The following TFEC variants were observed in gnomAD, a reference collection of about 807,000 sequenced individuals.
The protein encoded by TFEC is class E basic helix-loop-helix protein 34.
A neutral mutation model predicts 41.6 loss-of-function variants in TFEC; 31 were observed. The ratio of observed to expected loss-of-function variants is 0.74; its 90% CI spans 0.56 to 1.01. The LOEUF is 1.01. Ranked by LOEUF, TFEC falls within the 50% of genes least tolerant of loss-of-function variation. The probability of loss-of-function intolerance (pLI) is 0.00; values close to 1 mark genes in which losing one functional copy is unlikely to be tolerated. For missense variants in TFEC, 402 were observed against 404.1 expected (o/e 0.99, Z 0.04); for synonymous variants, 143 against 140.6 (o/e 1.02, Z -0.12).
At chr7:115,975,481 A>G (rs1028862408) in intron 2 of TFEC, among the ~76,000 whole-genome samples, 4 of 152,156 alleles carry the variant, frequency 2.6e-5, no homozygotes, top group African/African-American at 9.7e-5. Context: ...GAGTGTTCGG[A>G]GAATTCTACT....
In TFEC at chr7:116,048,475, A is replaced by C. The variant is rs191722228; in HGVS notation, c.198+62233T>G. On this transcript the variant is annotated intron_variant, in intron 3 of 8. Transcript: ENST00000484212. ...GAACAAAGCCTTGAAGAAATATGGG[A>C]TCACATGAAAAGACCAAATCTACAT... Among the ~76,000 whole-genome samples the C allele has an allele frequency of 7.4e-3, 1,126 of 152,356 alleles. 11 individuals carry two copies. The highest frequency in any genetic ancestry group is 0.014 in the South Asian group (70 of 4,828).
chr7:116,108,896 G>C (rs558482731), intron 3 of TFEC, among the ~76,000 whole-genome samples: 4 of 152,198 alleles, frequency 2.6e-5, no homozygotes, highest in Admixed American at 6.5e-5. Flanking sequence ...CACTATCAGA[G>C]AGCCAACAAT....
chr7:116,019,733 AT>A (rs1283160443), intron 1 of TFEC, among the ~76,000 whole-genome samples: 1 of 152,164 alleles, frequency 6.6e-6, no homozygotes, highest in African/African-American at 2.4e-5. Context: ...CCCATACAGT[AT>A]TTTGCTATTT....
At position 115,990,656 on chromosome 7, in the gene TFEC, A is replaced by C. The variant is rs544424258; in HGVS notation, c.-72-6143T>G. ...CAGTGATTGAAGATCAAAGGAATGA[A>C]ATGAAATGAGAAGAGAAGTTTAGAA... On this transcript the variant is annotated intron_variant, in intron 1 of 7. Transcript: ENST00000265440. Among the ~76,000 whole-genome samples, 5 of 152,318 alleles carry C rather than the reference A, an allele frequency of 3.3e-5. No homozygotes were observed. The South Asian group carries it at 1.0e-3, about 32-fold the overall frequency.
chr7:116,097,879 A>G lies in TFEC; in HGVS notation c.198+12829T>C, dbSNP rs541640782. Among the ~76,000 whole-genome samples, 17 of 152,302 alleles carry G rather than the reference A, an allele frequency of 1.1e-4. No individual in the cohort carries two copies. In the South Asian group the frequency reaches 3.1e-3, roughly 28 times the overall value. ...AATAGTGTAAATAAATCAAAATGAAACTCTGAAAAATGTTTAAATTATCTA... is the reference window on the plus strand; with the variant it reads ...AATAGTGTAAATAAATCAAAATGAAGCTCTGAAAAATGTTTAAATTATCTA... On this transcript the variant is annotated intron_variant, in intron 3 of 8. Transcript: ENST00000484212.
chr7:115,947,416 G>A (rs1170242667), intron 6 of TFEC, among the ~76,000 whole-genome samples: 1 of 151,030 alleles, frequency 6.6e-6, no homozygotes, highest in Non-Finnish European at 1.5e-5. Flanking sequence ...ATGATTTATA[G>A]TCCTTTGGGT....
At chr7:116,123,339 G>T (rs1005601403) in intron 1 of TFEC, among the ~76,000 whole-genome samples, 2 of 152,002 alleles carry the variant, frequency 1.3e-5, no homozygotes, top group Non-Finnish European at 2.9e-5. Context: ...TTCTGAGTCA[G>T]TTTCTCTTAG....
At chr7:116,133,699 A>G (rs1278895432) in intron 1 of TFEC, among the ~76,000 whole-genome samples, 1 of 152,092 alleles carries the variant, frequency 6.6e-6, no homozygotes, top group Non-Finnish European at 1.5e-5. Flanking sequence ...TCTTTGAAAT[A>G]ATTAAAAGAA....
chr7:115,989,846 A>T (rs1264223681), intron 1 of TFEC, among the ~76,000 whole-genome samples: 1 of 152,194 alleles, frequency 6.6e-6, no homozygotes. Context: ...GCAGACTTAA[A>T]CGTCACTGTC....
chr7:116,035,963 GA>G (rs929188834), intron 3 of TFEC, among the ~76,000 whole-genome samples: 1 of 151,152 alleles, frequency 6.6e-6, no homozygotes, highest in Non-Finnish European at 1.5e-5. Context: ...ACACAGTGGA[GA>G]AAAAAAATCA....
At chr7:116,068,635 G>A (rs1158835237) in intron 3 of TFEC, among the ~76,000 whole-genome samples, 1 of 151,500 alleles carries the variant, frequency 6.6e-6, no homozygotes, top group African/African-American at 2.4e-5. Context: ...TATTATCTAT[G>A]AAATAAAATA....
chr7:116,077,487 C>T (rs755044062), intron 3 of TFEC, among the ~76,000 whole-genome samples: 20 of 151,976 alleles, frequency 1.3e-4, no homozygotes, highest in East Asian at 1.9e-4. Context: ...AATGGCTGAA[C>T]GGATAAGAAT....
chr7:116,080,962 G>A (rs1797073171), intron 3 of TFEC, among the ~76,000 whole-genome samples: 1 of 147,476 alleles, frequency 6.8e-6, no homozygotes, highest in African/African-American at 2.6e-5. Flanking sequence ...TCAACGAGTG[G>A]ATAAAGAAAA....
At position 116,090,381 on chromosome 7, in the gene TFEC, G is replaced by A. The variant is rs182482398; in HGVS notation, c.198+20327C>T. ...TCTGGGCCCTTGAGCTCCTATGCTC[G>A]GCCTGCTCCCACACTGTGGAGTGTA... On this transcript the variant is annotated intron_variant, in intron 3 of 8. Transcript: ENST00000484212. Among the ~76,000 whole-genome samples the A allele has an allele frequency of 3.1e-3, 477 of 152,186 alleles. 2 individuals are homozygous for A. Among genetic ancestry groups the A allele is most frequent in the African/African-American group, 0.011 (457 of 41,520 alleles).
Position 115,962,188 on chromosome 7 carries a change from T to C in TFEC, c.268-5395A>G, listed in dbSNP as rs370316586. On this transcript the variant is annotated intron_variant, in intron 3 of 7. Transcript: ENST00000265440. The stretch of plus-strand genomic sequence containing the variant: ...AACTAAAAAATACTGCTGAATGAAA[T>C]GAAAGAAATCATAAATAAGTGGAAA... Among the ~76,000 whole-genome samples the C allele has an allele frequency of 2.3e-4, 35 of 151,706 alleles. No individual in the cohort carries two copies. The South Asian group carries it at 7.3e-3, about 32-fold the overall frequency.
intron 3 of TFEC, among the ~76,000 whole-genome samples, chr7:116,036,181 TTTC>T (rs1349071959): frequency 1.3e-5 from 2 of 152,080 alleles, no homozygotes; most frequent in Non-Finnish European, 2.9e-5. Context: ...ACCATAACAT[TTTC>T]TTCTTTGTGT....
At chr7:116,069,163 A>G (rs1235837197) in intron 3 of TFEC, among the ~76,000 whole-genome samples, 1 of 151,594 alleles carries the variant, frequency 6.6e-6, no homozygotes, top group Non-Finnish European at 1.5e-5. Context: ...GGCTGTGCTG[A>G]TTCTTTGCAG....
intron 1 of TFEC, among the ~76,000 whole-genome samples, chr7:115,998,465 T>G (rs1794455565): frequency 6.6e-6 from 1 of 151,728 alleles, no homozygotes; most frequent in Non-Finnish European, 1.5e-5. Flanking sequence ...GCAAGAGTAC[T>G]TTCTTCCTTA....
intron 3 of TFEC, among the ~76,000 whole-genome samples, chr7:116,058,410 G>C (rs562886314): frequency 2.8e-4 from 43 of 151,742 alleles, no homozygotes; most frequent in African/African-American, 1.0e-3. Context: ...TCAAAAAATA[G>C]AAAATTAGAA....
Sources: allele counts gnomAD v4.1 joint callset (sites outside exome capture counted in the v4.1 genomes callset), GRCh38; gene constraint gnomAD v4.1.1; transcripts MANE v1.5; gene names NCBI Gene and HGNC (gene_info 2026-07-23, HGNC 2026-07-21).